NPAS3: variants seen among roughly 807,000 people sequenced by gnomAD.
NPAS3 encodes the protein neuronal PAS domain-containing protein 3.
In NPAS3, 14 loss-of-function variants were observed where a neutral mutation model predicts 73.1. That is an observed-to-expected ratio of 0.19 (90% confidence interval 0.13 to 0.30). The LOEUF (loss-of-function observed/expected upper bound fraction) is 0.30. Among genes scored for constraint, NPAS3 ranks in the 10% least tolerant of loss-of-function variants. The pLI is 1.00. For synonymous variants in NPAS3, 620 were observed against 541.5 expected, an observed-to-expected ratio of 1.14 and a Z score of -2.01; for missense variants, 1,096 against 1,250.0, an observed-to-expected ratio of 0.88 and a Z score of 1.86.
rs577359634 is a variant in NPAS3 at position 33,093,715 on chromosome 14, G to A, written c.140+37721G>A. ...TTCACAATAGCAAAGACTTGGAATC[G>A]ACCCAAATGTCCATCAGTGATAGAC... On this transcript the variant is annotated intron_variant, in intron 2 of 11. Transcript: ENST00000356141. 5.9e-5 allele frequency among the ~76,000 whole-genome samples: 9 copies of A among 152,150 alleles called. No individual in the cohort carries two copies. In the South Asian group the frequency reaches 1.9e-3, roughly 32 times the overall value.
chr14:33,568,322 T>A (rs2056062088), intron 5 of NPAS3, among the ~76,000 whole-genome samples: 1 of 152,220 alleles, frequency 6.6e-6, no homozygotes, highest in African/African-American at 2.4e-5. Context: ...ATGCAGGCGT[T>A]GGCAATATAA....
chr14:33,147,787 G>T (rs1337459202), intron 2 of NPAS3, among the ~76,000 whole-genome samples: 1 of 141,892 alleles, frequency 7.0e-6, no homozygotes, highest in African/African-American at 2.7e-5. Flanking sequence ...AAAAAAGTAT[G>T]CACAGTCATG....
intron 4 of NPAS3, among the ~76,000 whole-genome samples, chr14:33,498,205 A>T (rs1193640120): frequency 6.6e-6 from 1 of 152,162 alleles, no homozygotes; most frequent in Non-Finnish European, 1.5e-5. Context: ...GATGCTGGAG[A>T]GGATGTGGAG....
At chr14:33,465,568 T>TA (rs1187074226) in intron 4 of NPAS3, among the ~76,000 whole-genome samples, 3 of 152,214 alleles carry the variant, frequency 2.0e-5, no homozygotes, top group Non-Finnish European at 4.4e-5. Context: ...AATTCTCACG[T>TA]AAAAATCTAT....
At chr14:33,556,233 A>G (rs185468479) in intron 4 of NPAS3, among the ~76,000 whole-genome samples, 1 of 152,222 alleles carries the variant, frequency 6.6e-6, no homozygotes, top group Non-Finnish European at 1.5e-5. Flanking sequence ...AAAAATCACA[A>G]TCCCCTTTAG....
At chr14:33,252,705 C>T (rs778710562) in intron 3 of NPAS3, among the ~76,000 whole-genome samples, 34 of 151,684 alleles carry the variant, frequency 2.2e-4, no homozygotes, top group Middle Eastern at 3.4e-3. Flanking sequence ...ATATTGCATA[C>T]TGGTGGGGAT....
At chr14:33,368,610 T>C (rs2045944588) in intron 4 of NPAS3, among the ~76,000 whole-genome samples, 1 of 152,220 alleles carries the variant, frequency 6.6e-6, no homozygotes, top group Non-Finnish European at 1.5e-5. Context: ...ATTTCTTGTT[T>C]ATCCATTAAT....
chr14:33,212,437 G>C (rs1036549900), intron 2 of NPAS3, among the ~76,000 whole-genome samples: 1 of 144,724 alleles, frequency 6.9e-6, no homozygotes, highest in African/African-American at 2.6e-5. Flanking sequence ...AGAAAGACAA[G>C]GTAGAGAAAA....
At chr14:33,592,135 G>T (rs191468873) in intron 5 of NPAS3, among the ~76,000 whole-genome samples, 3 of 152,206 alleles carry the variant, frequency 2.0e-5, no homozygotes, top group Admixed American at 1.3e-4. Context: ...AATTTGATGT[G>T]GATTAAATCA....
At chr14:33,750,001 T>C (rs60836775) in intron 7 of NPAS3, among the ~76,000 whole-genome samples, 11,246 of 152,194 alleles carry the variant, frequency 0.074, 1,096 homozygotes, top group African/African-American at 0.22. Context: ...AAATCACACA[T>C]CTTAATCATG....
intron 2 of NPAS3, among the ~76,000 whole-genome samples, chr14:33,186,309 A>G (rs997577775): frequency 2.6e-5 from 4 of 152,244 alleles, no homozygotes; most frequent in Non-Finnish European, 4.4e-5. Flanking sequence ...TTTGTAAAAC[A>G]TTATCTTATA....
Position 33,157,699 on chromosome 14 carries a change from G to A in NPAS3, c.141-57483G>A, listed in dbSNP as rs896317310. On this transcript the variant is annotated intron_variant, in intron 2 of 11. Coordinates refer to ENST00000356141, the Ensembl canonical transcript of NPAS3. ...TTAACTTTCCAGAATCTCTGTTCAT[G>A]GAATATGTACCTTATGTAAGACCGG... 1.5e-4 allele frequency among the ~76,000 whole-genome samples: 23 copies of A among 152,176 alleles called. No homozygotes were observed. The East Asian group carries it at 1.5e-3, about 10-fold the overall frequency.
At chr14:33,790,089 C>T (rs1028050672) in intron 9 of NPAS3, among the ~76,000 whole-genome samples, 1 of 152,176 alleles carries the variant, frequency 6.6e-6, no homozygotes, top group Admixed American at 6.5e-5. Flanking sequence ...ATTAGAATCT[C>T]TCCTTCTAGT....
At chr14:33,708,600 G>C (rs12897888) in intron 6 of NPAS3, among the ~76,000 whole-genome samples, 9,454 of 152,196 alleles carry the variant, frequency 0.062, 381 homozygotes, top group East Asian at 0.19. Context: ...TAACGACCTG[G>C]AAGAGGAAGA....
intron 2 of NPAS3, among the ~76,000 whole-genome samples, chr14:33,125,002 A>T (rs1212267246): frequency 6.6e-6 from 1 of 152,130 alleles, no homozygotes; most frequent in Non-Finnish European, 1.5e-5. Flanking sequence ...ACCTATAGGA[A>T]AACATTGACA....
intron 6 of NPAS3, among the ~76,000 whole-genome samples, chr14:33,718,735 A>T (rs759341880): frequency 1.3e-5 from 2 of 152,138 alleles, no homozygotes; most frequent in Non-Finnish European, 2.9e-5. Flanking sequence ...GATTTATTTG[A>T]TTGTACAACC....
intron 1 of NPAS3, among the ~76,000 whole-genome samples, chr14:33,045,069 C>G (rs1299188335): frequency 6.6e-6 from 1 of 152,134 alleles, no homozygotes; most frequent in Middle Eastern, 3.2e-3. Context: ...GGAGCCCATA[C>G]CCAGTACATT....
intron 3 of NPAS3, among the ~76,000 whole-genome samples, chr14:33,284,598 A>G (rs1359157384): frequency 6.6e-6 from 1 of 152,206 alleles, no homozygotes; most frequent in Non-Finnish European, 1.5e-5. Flanking sequence ...CTGGCAGAAG[A>G]CAACTCATTA....
chr14:33,308,541 C>CACACACACACAT (rs1755901048), intron 3 of NPAS3, among the ~76,000 whole-genome samples: 1 of 114,650 alleles, frequency 8.7e-6, no homozygotes, highest in Non-Finnish European at 1.7e-5. Flanking sequence ...TACACACACA[C>CACACACACACAT]ACACACACAC....
Sources: gnomAD v4.1 joint callset for allele counts (sites outside exome capture counted in the v4.1 genomes callset) on GRCh38, gnomAD v4.1.1 for gene constraint, MANE v1.5 for transcripts, NCBI Gene and HGNC (gene_info 2026-07-23, HGNC 2026-07-21) for gene names.